RNF170: variants seen among roughly 807,000 people sequenced by gnomAD.
RNF170 encodes ring finger protein 170.
Under a neutral mutation model 32.7 loss-of-function variants are expected in RNF170, and 12 were observed. The observed-to-expected ratio is 0.37, with a 90% confidence interval of 0.24 to 0.60. RNF170 has a LOEUF of 0.60. RNF170 is among the 20% of genes least tolerant of loss of function. RNF170 has a pLI of 0.72. For missense variants in RNF170, 212 were observed against 311.2 expected, an observed-to-expected ratio of 0.68 and a Z score of 2.40; for synonymous variants, 91 against 103.6, an observed-to-expected ratio of 0.88 and a Z score of 0.74.
At chr8:42,893,254 A>T (rs959375961) in intron 1 of RNF170, among the ~76,000 whole-genome samples, 1 of 152,212 alleles carries the variant, frequency 6.6e-6, no homozygotes, top group Non-Finnish European at 1.5e-5. Context: ...AATCTATTTC[A>T]TGGTATCCTG....
chr8:42,855,917 C>T lies in RNF170; in HGVS notation c.*242G>A. On this transcript the variant is annotated 3_prime_UTR_variant, in exon 7 of 7. Transcript: ENST00000527424. ...ATAATTCCATATTTTTTCCAGACAA[C>T]ATAGAATCAAGATACAACTGTAGAT... 1 of 1,286,316 alleles carries T rather than the reference C, an allele frequency of 7.8e-7. No homozygotes were observed. Among genetic ancestry groups the T allele is most frequent in the Non-Finnish European group, 1.0e-6 (1 of 978,230 alleles). The allele number at this position is 1,286,316 out of a possible 1,614,324, so 79.7% of individuals were successfully genotyped here. A position where few individuals can be genotyped will look rare whatever the true frequency, so the allele number is the denominator to read the frequency against.
chr8:42,857,138 G>GT (rs1231991825), intron 6 of RNF170, among the ~76,000 whole-genome samples: 63 of 152,186 alleles, frequency 4.1e-4, no homozygotes, highest in Non-Finnish European at 5.3e-4. Flanking sequence ...AACAATCTGT[G>GT]TAACAGTCAT....
intron 2 of RNF170, among the ~76,000 whole-genome samples, chr8:42,884,763 G>A (rs113214709): frequency 6.8e-6 from 1 of 147,348 alleles, no homozygotes; most frequent in East Asian, 2.1e-4. Flanking sequence ...GTGCAGTGGT[G>A]CGATCTCAGC....
chr8:42,889,729 A>G (rs573989345), intron 1 of RNF170, among the ~76,000 whole-genome samples: 3 of 152,300 alleles, frequency 2.0e-5, no homozygotes, highest in African/African-American at 7.2e-5. Context: ...ACACCAGGAA[A>G]CTCACAGAAA....
At chr8:42,892,627 T>C (rs1290836701) in intron 1 of RNF170, among the ~76,000 whole-genome samples, 1 of 152,070 alleles carries the variant, frequency 6.6e-6, no homozygotes, top group African/African-American at 2.4e-5. Flanking sequence ...TAAAGTAATA[T>C]CTTACTGGAT....
chr8:42,879,243 T>C (rs1021351868), intron 2 of RNF170, among the ~76,000 whole-genome samples: 1 of 152,216 alleles, frequency 6.6e-6, no homozygotes, highest in East Asian at 1.9e-4. Flanking sequence ...TTTCAAGTTT[T>C]ATTACTTAAG....
At chr8:42,868,010 CT>C (rs1804246884) in intron 4 of RNF170, among the ~76,000 whole-genome samples, 1 of 152,082 alleles carries the variant, frequency 6.6e-6, no homozygotes, top group Admixed American at 6.6e-5. Flanking sequence ...ACGTATCTGC[CT>C]TCTATGATGC....
At chr8:42,865,371 A>G (rs1367907259) in intron 5 of RNF170, 45 bp downstream of exon 5, 1 of 1,448,374 alleles carries the variant, frequency 6.9e-7, no homozygotes, top group Non-Finnish European at 9.7e-7. Context: ...AAAAATGTAC[A>G]AAATAAACTA....
intron 1 of RNF170, among the ~76,000 whole-genome samples, chr8:42,891,712 T>C (rs1189704230): frequency 1.3e-5 from 2 of 152,218 alleles, no homozygotes; most frequent in Non-Finnish European, 2.9e-5. Context: ...TAAACTCTCT[T>C]TAAACTCGAT....
intron 2 of RNF170, among the ~76,000 whole-genome samples, chr8:42,874,784 C>T (rs1804787790): frequency 6.6e-6 from 1 of 151,796 alleles, no homozygotes; most frequent in African/African-American, 2.4e-5. Flanking sequence ...CTTAACATGT[C>T]ACTAATCTCT....
In RNF170 at chr8:42,896,477, G is replaced by C. The variant is rs902579135; in HGVS notation, c.-8+7C>G. The stretch of plus-strand genomic sequence containing the variant: ...GGGTGGGCGTGGCCGCCGCGCGCCG[G>C]ACGTACCTCTCCACCGCGAAGGAAC... On this transcript the variant is annotated splice_region_variant and intron_variant, in intron 1 of 6. Transcript: ENST00000527424. The C allele has an allele frequency of 4.4e-6, 2 of 453,792 alleles. No individual in the cohort carries two copies. The highest frequency in any genetic ancestry group is 2.0e-5 in the African/African-American group (1 of 49,958). The allele number at this position is 453,792 out of a possible 1,614,324, so 28.1% of individuals were successfully genotyped here.
intron 1 of RNF170, among the ~76,000 whole-genome samples, chr8:42,890,122 T>C (rs1806170125): frequency 6.6e-6 from 1 of 152,040 alleles, no homozygotes; most frequent in Admixed American, 6.6e-5. Flanking sequence ...CGTTTATTAT[T>C]TTGTACTTAA....
intron 2 of RNF170, among the ~76,000 whole-genome samples, chr8:42,879,720 C>T (rs1419552943): frequency 6.6e-6 from 1 of 151,752 alleles, no homozygotes; most frequent in Admixed American, 6.6e-5. Flanking sequence ...GTTGCCCAGG[C>T]TGGGAGTATA....
intron 3 of RNF170, among the ~76,000 whole-genome samples, chr8:42,872,104 C>T (rs1006176458): frequency 1.2e-4 from 19 of 152,160 alleles, no homozygotes; most frequent in Non-Finnish European, 7.3e-5. Flanking sequence ...CAGCACAGAA[C>T]AGACTACATC....
At chr8:42,884,867 A>G (rs1232430641) in intron 2 of RNF170, among the ~76,000 whole-genome samples, 2 of 146,024 alleles carry the variant, frequency 1.4e-5, no homozygotes, top group African/African-American at 2.5e-5. Context: ...ACACCTGGCT[A>G]ATTTTTGTAT....
chr8:42,894,627 C>T (rs1806599928), intron 1 of RNF170, among the ~76,000 whole-genome samples: 1 of 152,104 alleles, frequency 6.6e-6, no homozygotes, highest in East Asian at 1.9e-4. Context: ...TGCAGTGGCG[C>T]GATCTCGGCT....
At chr8:42,864,847 C>T (rs1803963062) in intron 5 of RNF170, among the ~76,000 whole-genome samples, 1 of 151,436 alleles carries the variant, frequency 6.6e-6, no homozygotes, top group Non-Finnish European at 1.5e-5. Context: ...GATATATGCT[C>T]AAGCCTGATT....
intron 4 of RNF170, among the ~76,000 whole-genome samples, 166 bp from the exon 5 acceptor site, chr8:42,865,655 A>G (rs1473106748): frequency 1.3e-5 from 2 of 152,218 alleles, no homozygotes; most frequent in Non-Finnish European, 2.9e-5. Context: ...CAAATCTAGT[A>G]AGAACTCCTA....
At chr8:42,887,206 C>T (rs769553017) in intron 2 of RNF170, among the ~76,000 whole-genome samples, 3 of 152,200 alleles carry the variant, frequency 2.0e-5, no homozygotes, top group South Asian at 2.1e-4. Flanking sequence ...GCAGGAGAAT[C>T]GCTTGAACCC....
Sources: allele counts gnomAD v4.1 joint callset (sites outside exome capture counted in the v4.1 genomes callset), GRCh38; gene constraint gnomAD v4.1.1; transcripts MANE v1.5; gene names NCBI Gene and HGNC (gene_info 2026-07-23, HGNC 2026-07-21).